DGKB: variants seen among roughly 807,000 people sequenced by gnomAD.
DGKB encodes the protein diacylglycerol kinase beta.
Under a neutral mutation model 114.3 loss-of-function variants are expected in DGKB, and 67 were observed. That is an observed-to-expected ratio of 0.59 (90% CI 0.48 to 0.72). The LOEUF (loss-of-function observed/expected upper bound fraction) is 0.72, where lower values mean the gene tolerates loss of function less well. DGKB is among the 30% of genes least tolerant of loss of function. The pLI is 0.00. For synonymous variants in DGKB, 398 were observed against 323.1 expected, an observed-to-expected ratio of 1.23 and a Z score of -2.49; for missense variants, 907 against 975.2, an observed-to-expected ratio of 0.93 and a Z score of 0.93.
intron 21 of DGKB, among the ~76,000 whole-genome samples, chr7:14,415,467 G>A (rs1299930093): frequency 6.8e-5 from 10 of 146,208 alleles, no homozygotes; most frequent in Admixed American, 6.3e-4. Flanking sequence ...TCCCCTTCCT[G>A]TGTCCATGTG....
intron 1 of DGKB, among the ~76,000 whole-genome samples, chr7:14,947,761 T>C (rs1480992480): frequency 6.6e-6 from 1 of 151,632 alleles, no homozygotes; most frequent in Non-Finnish European, 1.5e-5. Flanking sequence ...AGAACCTTTT[T>C]GGTCCAAGCA....
chr7:14,226,407 A>T (rs1445728588), intron 23 of DGKB, among the ~76,000 whole-genome samples: 1 of 152,052 alleles, frequency 6.6e-6, no homozygotes, highest in Non-Finnish European at 1.5e-5. Context: ...GACTTTTTAA[A>T]GGCGTGTAGA....
intron 2 of DGKB, among the ~76,000 whole-genome samples, chr7:14,808,848 A>G (rs2128072361): frequency 6.6e-6 from 1 of 152,204 alleles, no homozygotes; most frequent in Non-Finnish European, 1.5e-5. Context: ...GTAACTCAAG[A>G]AGTAGGTCTA....
At chr7:14,903,895 C>G (rs1419241790), upstream of DGKB, among the ~76,000 whole-genome samples, 1 of 151,994 alleles carries the variant, frequency 6.6e-6, no homozygotes, top group African/African-American at 2.4e-5. Context: ...ATAGAAGTCC[C>G]GTGGTTGCTC....
intron 23 of DGKB, among the ~76,000 whole-genome samples, chr7:14,243,541 A>C (rs1266236927): frequency 6.6e-6 from 1 of 152,238 alleles, no homozygotes; most frequent in Non-Finnish European, 1.5e-5. Flanking sequence ...ACACTATTAG[A>C]AATATAGGAG....
At chr7:14,952,081 G>C (rs576740652) in intron 1 of DGKB, among the ~76,000 whole-genome samples, 1 of 152,000 alleles carries the variant, frequency 6.6e-6, no homozygotes, top group South Asian at 2.1e-4. Context: ...AGTTAATCCA[G>C]TATGACTTTA....
At chr7:14,615,324 T>A (rs1806312911) in intron 15 of DGKB, among the ~76,000 whole-genome samples, 1 of 151,930 alleles carries the variant, frequency 6.6e-6, no homozygotes, top group Admixed American at 6.6e-5. Flanking sequence ...CAAAAATTCA[T>A]GCTGAGTCCA....
intron 23 of DGKB, among the ~76,000 whole-genome samples, chr7:14,326,633 T>C (rs1167265798): frequency 6.6e-6 from 1 of 152,164 alleles, no homozygotes; most frequent in Non-Finnish European, 1.5e-5. Flanking sequence ...CTCCTGTCTA[T>C]ACATTTTCAA....
chr7:14,702,081 T>A (rs1384747800), intron 6 of DGKB, among the ~76,000 whole-genome samples: 3 of 152,066 alleles, frequency 2.0e-5, no homozygotes, highest in Non-Finnish European at 4.4e-5. Context: ...GCAGAGTGCA[T>A]AAGGAAAAAC....
intron 4 of DGKB, among the ~76,000 whole-genome samples, chr7:14,736,556 C>T (rs1017925481): frequency 6.6e-6 from 1 of 152,096 alleles, no homozygotes; most frequent in Non-Finnish European, 1.5e-5. Flanking sequence ...TTAAATCAGG[C>T]GATCACTGTG....
intron 6 of DGKB, among the ~76,000 whole-genome samples, chr7:14,714,456 G>C (rs1361955266): frequency 6.6e-6 from 1 of 151,968 alleles, no homozygotes; most frequent in Non-Finnish European, 1.5e-5. Flanking sequence ...TCAATTTTAC[G>C]CATTATGAAA....
chr7:14,444,654 T>A (rs528098363), intron 21 of DGKB, among the ~76,000 whole-genome samples: 1 of 152,028 alleles, frequency 6.6e-6, no homozygotes, highest in South Asian at 2.1e-4. Context: ...AAGCCTTTGA[T>A]ATCAGTCAGA....
intron 21 of DGKB, among the ~76,000 whole-genome samples, chr7:14,347,301 C>A (rs1035616389): frequency 6.6e-6 from 1 of 151,866 alleles, no homozygotes; most frequent in African/African-American, 2.4e-5. Flanking sequence ...CAAGCACTGG[C>A]AAGGGTGTGG....
At chr7:14,326,660 G>A (rs993437614) in intron 23 of DGKB, among the ~76,000 whole-genome samples, 4 of 152,114 alleles carry the variant, frequency 2.6e-5, no homozygotes, top group African/African-American at 9.7e-5. Flanking sequence ...TTCCTTTGCG[G>A]GAATGGCATA....
At chr7:14,514,915 T>C (rs1299380802) in intron 20 of DGKB, among the ~76,000 whole-genome samples, 1 of 151,954 alleles carries the variant, frequency 6.6e-6, no homozygotes, top group Non-Finnish European at 1.5e-5. Flanking sequence ...TGGCCAGTGG[T>C]AGTCCGCAGT....
intron 2 of DGKB, among the ~76,000 whole-genome samples, chr7:14,770,030 T>C (rs1837187219): frequency 6.6e-6 from 1 of 152,120 alleles, no homozygotes; most frequent in African/African-American, 2.4e-5. Flanking sequence ...CATATCTATT[T>C]TAAAGTGGAA....
chr7:14,391,506 C>T (rs1243932504), intron 21 of DGKB, among the ~76,000 whole-genome samples: 2 of 106,604 alleles, frequency 1.9e-5, no homozygotes, highest in African/African-American at 8.6e-5. Flanking sequence ...GGCCGGTCTA[C>T]AAAAGAAAAA....
At chr7:14,755,431 C>T (rs1445414540) in intron 3 of DGKB, among the ~76,000 whole-genome samples, 5 of 152,062 alleles carry the variant, frequency 3.3e-5, no homozygotes, top group Non-Finnish European at 5.9e-5. Context: ...GTAAATGATA[C>T]AAGCTATGTT....
chr7:14,149,256 G>A lies in DGKB; in HGVS notation c.2305-18C>T. ...ATTTTTATCTAGAAAAAAAGAGAGA[G>A]AGAGAGAGAGAAAGAATAGAGTAAT... On this transcript the variant is annotated intron_variant, in intron 25 of 25. Coordinates refer to ENST00000402815, the MANE Select transcript of DGKB (RefSeq NM_001350709.2). 6.4e-7 allele frequency: 1 copy of A among 1,566,092 alleles called. No individual in the cohort carries two copies. Among genetic ancestry groups the A allele is most frequent in the South Asian group, 1.1e-5 (1 of 89,868 alleles).
Sources: gnomAD v4.1 joint callset for allele counts (sites outside exome capture counted in the v4.1 genomes callset) on GRCh38, gnomAD v4.1.1 for gene constraint, MANE v1.5 for transcripts, NCBI Gene and HGNC (gene_info 2026-07-23, HGNC 2026-07-21) for gene names.